Variants in ALK observed in about 807,000 individuals in gnomAD.
ALK encodes ALK tyrosine kinase receptor.
ALK carries 74 observed loss-of-function variants against 163.1 expected under a neutral mutation model. The ratio of observed to expected loss-of-function variants is 0.45; its 90% CI spans 0.38 to 0.55. ALK has a LOEUF of 0.55. Ranked by LOEUF, ALK falls within the 20% of genes least tolerant of loss-of-function variation. ALK has a pLI of 0.00. For missense variants in ALK, 2,063 were observed against 2,105.3 expected (o/e 0.98, Z 0.39); for synonymous variants, 960 against 843.2 (o/e 1.14, Z -2.40).
chr2:29,195,776 A>G (rs879552664), intron 28 of ALK, among the ~76,000 whole-genome samples: 1 of 152,192 alleles, frequency 6.6e-6, no homozygotes, highest in Non-Finnish European at 1.5e-5. Flanking sequence ...CTCTTCTAAA[A>G]TATTCTCAGA....
At chr2:29,382,985 C>G (rs1208768119) in intron 5 of ALK, among the ~76,000 whole-genome samples, 1 of 152,162 alleles carries the variant, frequency 6.6e-6, no homozygotes, top group East Asian at 1.9e-4. Flanking sequence ...CACCACTTCC[C>G]AGAGGCACAA....
intron 4 of ALK, among the ~76,000 whole-genome samples, chr2:29,479,564 A>G (rs1452663888): frequency 1.3e-5 from 2 of 152,232 alleles, no homozygotes; most frequent in African/African-American, 2.4e-5. Flanking sequence ...ATAAATCTCA[A>G]GCATGTGGCT....
At chr2:29,604,691 C>G (rs1367436400) in intron 3 of ALK, among the ~76,000 whole-genome samples, 1 of 152,178 alleles carries the variant, frequency 6.6e-6, no homozygotes, top group African/African-American at 2.4e-5. Context: ...GTTTCCATTC[C>G]ATTATAAAAT....
At chr2:29,855,536 T>G (rs1301677892) in intron 1 of ALK, among the ~76,000 whole-genome samples, 1 of 152,156 alleles carries the variant, frequency 6.6e-6, no homozygotes, top group Non-Finnish European at 1.5e-5. Flanking sequence ...AACCTTTAAT[T>G]AATTGGTCAA....
intron 4 of ALK, among the ~76,000 whole-genome samples, chr2:29,525,791 C>CAA (rs61519081): frequency 4.3e-4 from 30 of 69,158 alleles, no homozygotes; most frequent in African/African-American, 1.3e-3. Flanking sequence ...GACTCCATCT[C>CAA]AAAAAAAAAA....
At chr2:29,591,057 C>T (rs1282291286) in intron 3 of ALK, among the ~76,000 whole-genome samples, 1 of 110,046 alleles carries the variant, frequency 9.1e-6, no homozygotes, top group Non-Finnish European at 1.7e-5. Context: ...GGAGACACAG[C>T]GAGACTCCGT....
chr2:29,461,556 A>G (rs1671083534), intron 4 of ALK, among the ~76,000 whole-genome samples: 1 of 152,190 alleles, frequency 6.6e-6, no homozygotes, highest in South Asian at 2.1e-4. Flanking sequence ...CCTGTGCCCT[A>G]TAAATGTAAC....
intron 3 of ALK, among the ~76,000 whole-genome samples, chr2:29,555,279 C>A (rs1461592793): frequency 2.6e-5 from 4 of 152,020 alleles, no homozygotes. Context: ...CTAATGTCCC[C>A]CTCACTGAGG....
At chr2:29,773,233 TACACACACAC>T (rs111768210) in intron 1 of ALK, among the ~76,000 whole-genome samples, 1 of 146,850 alleles carries the variant, frequency 6.8e-6, no homozygotes, top group Non-Finnish European at 1.5e-5. Context: ...ACAGTAAATG[TACACACACAC>T]ACACACACAC....
chr2:29,771,695 C>T (rs1013592100), intron 1 of ALK, among the ~76,000 whole-genome samples: 5 of 152,008 alleles, frequency 3.3e-5, no homozygotes, highest in Admixed American at 6.5e-5. Flanking sequence ...CCACCATGCC[C>T]CGCTAATTTT....
intron 11 of ALK, among the ~76,000 whole-genome samples, chr2:29,262,851 G>A (rs1665122919): frequency 1.3e-5 from 2 of 152,246 alleles, no homozygotes; most frequent in Non-Finnish European, 2.9e-5. Context: ...CTCCTGTGAT[G>A]GCTGCTGTAT....
chr2:29,907,432 C>T lies in ALK; in HGVS notation c.667+12561G>A, dbSNP rs4464228. On this transcript the variant is annotated intron_variant, in intron 1 of 28. Coordinates refer to ENST00000389048, the MANE Select transcript of ALK (RefSeq NM_004304.5). ...TTTGCTTCTATTTCTTCAGCACTCT[C>T]TCTAAACTTCCTTCTGCCTGTTCCT... Among the ~76,000 whole-genome samples, 412 of 152,286 alleles carry T rather than the reference C, an allele frequency of 2.7e-3. 2 individuals carry two copies. Among genetic ancestry groups the T allele is most frequent in the African/African-American group, 9.6e-3 (401 of 41,564 alleles).
chr2:29,588,994 T>C (rs551071720), intron 3 of ALK, among the ~76,000 whole-genome samples: 3 of 152,258 alleles, frequency 2.0e-5, no homozygotes, highest in Admixed American at 2.0e-4. Flanking sequence ...TCTGCATACA[T>C]TGGGTATCAT....
chr2:29,809,632 G>C (rs111813471), intron 1 of ALK, among the ~76,000 whole-genome samples: 32 of 152,316 alleles, frequency 2.1e-4, no homozygotes, highest in African/African-American at 7.2e-4. Context: ...CAGGACATTA[G>C]GAAGAGTGTG....
intron 1 of ALK, 63 bp downstream of exon 1, chr2:29,919,930 T>C: frequency 3.8e-6 from 6 of 1,572,346 alleles, no homozygotes; most frequent in South Asian, 1.1e-5. Flanking sequence ...GATTATTTAA[T>C]GGTTGCATAT....
At chr2:29,724,350 T>C (rs1417073320) in intron 1 of ALK, among the ~76,000 whole-genome samples, 1 of 152,230 alleles carries the variant, frequency 6.6e-6, no homozygotes, top group African/African-American at 2.4e-5. Context: ...TGATTTTGTG[T>C]CACACAAAGC....
intron 4 of ALK, among the ~76,000 whole-genome samples, chr2:29,517,816 G>T (rs186697746): frequency 6.6e-6 from 1 of 152,170 alleles, no homozygotes; most frequent in African/African-American, 2.4e-5. Flanking sequence ...TACCTCCAAA[G>T]ACTTCTGGCC....
chr2:29,237,467 C>T (rs187008611), intron 13 of ALK, among the ~76,000 whole-genome samples: 72 of 152,268 alleles, frequency 4.7e-4, no homozygotes, highest in Non-Finnish European at 8.1e-4. Flanking sequence ...TCCTCCAGCC[C>T]GAGTGTTCCT....
chr2:29,366,600 C>T (rs570889004), intron 5 of ALK, among the ~76,000 whole-genome samples: 1 of 152,218 alleles, frequency 6.6e-6, no homozygotes, highest in South Asian at 2.1e-4. Context: ...CTCCTTCAGT[C>T]ACACTCAGGC....
Sources: allele counts gnomAD v4.1 joint callset (sites outside exome capture counted in the v4.1 genomes callset), GRCh38; gene constraint gnomAD v4.1.1; transcripts MANE v1.5; gene names NCBI Gene and HGNC (gene_info 2026-07-23, HGNC 2026-07-21).